CTNNA3: variants seen among roughly 807,000 people sequenced by gnomAD.
CTNNA3 encodes catenin alpha 3.
Under a neutral mutation model 95.7 loss-of-function variants are expected in CTNNA3, and 76 were observed. The observed-to-expected ratio is 0.79, with a 90% CI of 0.66 to 0.96. CTNNA3 has a LOEUF of 0.96. Ranked by LOEUF, CTNNA3 falls within the 40% of genes least tolerant of loss-of-function variation. The probability of loss-of-function intolerance (pLI) is 0.00; values close to 1 mark genes in which losing one functional copy is unlikely to be tolerated. For synonymous variants in CTNNA3, 431 were observed against 374.4 expected, an observed-to-expected ratio of 1.15 and a Z score of -1.74; for missense variants, 1,191 against 1,089.8, an observed-to-expected ratio of 1.09 and a Z score of -1.31.
chr10:65,971,393 T>TTG (rs2078098791), intron 16 of CTNNA3, among the ~76,000 whole-genome samples: 1 of 147,606 alleles, frequency 6.8e-6, no homozygotes, highest in East Asian at 2.0e-4. Context: ...TTTTTTTTTT[T>TTG]GAAAAAATAA....
intron 3 of CTNNA3, among the ~76,000 whole-genome samples, chr10:67,592,612 C>T (rs1323880755): frequency 6.6e-6 from 1 of 151,910 alleles, no homozygotes; most frequent in Non-Finnish European, 1.5e-5. Context: ...AATCCAGAGG[C>T]AAAAGAATAA....
At chr10:66,298,915 C>G (rs2091821914) in intron 12 of CTNNA3, among the ~76,000 whole-genome samples, 1 of 152,160 alleles carries the variant, frequency 6.6e-6, no homozygotes, top group Non-Finnish European at 1.5e-5. Flanking sequence ...AGGGAAAAGT[C>G]AAGTTGGGAA....
chr10:66,726,796 GA>G (rs1388500192), intron 9 of CTNNA3, among the ~76,000 whole-genome samples: 1 of 147,954 alleles, frequency 6.8e-6, no homozygotes, highest in Admixed American at 6.7e-5. Context: ...AGCCTGTTGG[GA>G]AGACAGATTT....
intron 7 of CTNNA3, chr10:66,926,064 G>C (rs755949685): frequency 4.4e-6 from 2 of 457,346 alleles, no homozygotes; most frequent in South Asian, 1.5e-5. Flanking sequence ...CAGAATGACA[G>C]TCTGCAGAAG....
At chr10:67,619,339 C>G (rs1165002962) in intron 2 of CTNNA3, among the ~76,000 whole-genome samples, 4 of 152,142 alleles carry the variant, frequency 2.6e-5, no homozygotes, top group Non-Finnish European at 5.9e-5. Context: ...TGATTTTTGA[C>G]AAAGGCACCA....
intron 7 of CTNNA3, among the ~76,000 whole-genome samples, chr10:66,797,402 G>A (rs1334721290): frequency 1.9e-4 from 20 of 106,478 alleles, no homozygotes; most frequent in African/African-American, 2.6e-4. Context: ...GAGTTCAAAA[G>A]TAAGAAAAAA....
intron 11 of CTNNA3, among the ~76,000 whole-genome samples, chr10:66,445,429 C>T (rs7092678): frequency 0.38 from 57,836 of 151,586 alleles, 11,571 homozygotes; most frequent in African/African-American, 0.5. Context: ...GGAAGTAAAG[C>T]ACTCCTCAGC....
At chr10:66,273,381 G>A (rs1459607071) in intron 13 of CTNNA3, among the ~76,000 whole-genome samples, 5 of 152,106 alleles carry the variant, frequency 3.3e-5, no homozygotes, top group African/African-American at 4.8e-5. Flanking sequence ...AAGAGTGCAC[G>A]ATTTAAAACT....
At chr10:66,727,649 C>T (rs999782934) in intron 9 of CTNNA3, among the ~76,000 whole-genome samples, 1 of 152,022 alleles carries the variant, frequency 6.6e-6, no homozygotes, top group Non-Finnish European at 1.5e-5. Flanking sequence ...AAGTAGCACA[C>T]AGCTAAAAAC....
chr10:67,603,712 T>C (rs1049310088), intron 3 of CTNNA3, among the ~76,000 whole-genome samples: 1 of 152,280 alleles, frequency 6.6e-6, no homozygotes, highest in East Asian at 1.9e-4. Context: ...TAAGTATTAC[T>C]ACAAAAGAGT....
At chr10:67,738,534 C>A (rs184149827) in intron 1 of CTNNA3, among the ~76,000 whole-genome samples, 6 of 152,278 alleles carry the variant, frequency 3.9e-5, no homozygotes, top group African/African-American at 1.4e-4. Context: ...CAGAGTGCCT[C>A]TCCTCCTCCA....
intron 17 of CTNNA3, among the ~76,000 whole-genome samples, chr10:65,964,081 A>C (rs2077908176): frequency 6.6e-6 from 1 of 152,142 alleles, no homozygotes; most frequent in Admixed American, 6.5e-5. Flanking sequence ...TGAATACCAA[A>C]TTTCTGTAAT....
intron 6 of CTNNA3, among the ~76,000 whole-genome samples, chr10:67,212,753 A>G (rs1235191732): frequency 6.6e-6 from 1 of 151,908 alleles, no homozygotes; most frequent in African/African-American, 2.4e-5. Flanking sequence ...CCATCAGTAA[A>G]TGTTCTAATG....
chr10:66,197,706 T>C (rs2087054406), intron 13 of CTNNA3, among the ~76,000 whole-genome samples: 1 of 152,042 alleles, frequency 6.6e-6, no homozygotes, highest in Non-Finnish European at 1.5e-5. Flanking sequence ...CAAAAACATG[T>C]CACAAAGAAT....
At chr10:66,787,041 A>T (rs1840775255) in intron 7 of CTNNA3, among the ~76,000 whole-genome samples, 1 of 152,174 alleles carries the variant, frequency 6.6e-6, no homozygotes, top group African/African-American at 2.4e-5. Context: ...ACTAATTCCA[A>T]GTACATCTTT....
intron 5 of CTNNA3, among the ~76,000 whole-genome samples, chr10:67,248,989 A>T (rs1866007086): frequency 6.6e-6 from 1 of 152,222 alleles, no homozygotes; most frequent in African/African-American, 2.4e-5. Context: ...ACTATAAAAC[A>T]CTTAGAAGAA....
chr10:67,525,179 T>C (rs1840105486), intron 4 of CTNNA3, among the ~76,000 whole-genome samples: 1 of 151,748 alleles, frequency 6.6e-6, no homozygotes, highest in African/African-American at 2.4e-5. Context: ...TAACTCGTTA[T>C]AAACCAAACT....
chr10:66,152,797 A>G (rs1377043077), intron 13 of CTNNA3, among the ~76,000 whole-genome samples: 1 of 151,974 alleles, frequency 6.6e-6, no homozygotes, highest in African/African-American at 2.4e-5. Context: ...TGCCCTACTG[A>G]AACTTTGTTA....
At chr10:67,373,922 CAT>C (rs1014752216) in intron 5 of CTNNA3, among the ~76,000 whole-genome samples, 2 of 152,184 alleles carry the variant, frequency 1.3e-5, no homozygotes, top group African/African-American at 4.8e-5. Context: ...CTGAAAACAA[CAT>C]GCTATGCCCC....
Sources: allele counts gnomAD v4.1 joint callset (sites outside exome capture counted in the v4.1 genomes callset), GRCh38; gene constraint gnomAD v4.1.1; transcripts MANE v1.5; gene names NCBI Gene and HGNC (gene_info 2026-07-23, HGNC 2026-07-21).